Variants in ATR observed in about 807,000 individuals in gnomAD.
The protein encoded by ATR is serine/threonine-protein kinase ATR.
A neutral mutation model predicts 305.3 loss-of-function variants in ATR; 142 were observed. The observed-to-expected ratio is 0.47, with a 90% CI of 0.41 to 0.53. The LOEUF (loss-of-function observed/expected upper bound fraction) is 0.53. Ranked by LOEUF, ATR falls within the 20% of genes least tolerant of loss-of-function variation. ATR has a pLI of 0.00. For missense variants in ATR, 2,135 were observed against 3,133.1 expected, an observed-to-expected ratio of 0.68 and a Z score of 7.60; for synonymous variants, 1,050 against 1,068.1, an observed-to-expected ratio of 0.98 and a Z score of 0.33.
chr3:142,496,432 C>T lies in ATR; in HGVS notation c.5827G>A (p.Ala1943Thr). ...KAGHHQTAYN[A>T]LLNAGESRLA... is the part of the protein sequence containing the mutation. Reference sequence around the variant, plus strand: ...CGTGATTCCCCTGCATTAAGGAGAGCATTGTAGGCTGTCTGGTGGTGACCA... The same window carrying T: ...CGTGATTCCCCTGCATTAAGGAGAGTATTGTAGGCTGTCTGGTGGTGACCA... Residue 1943 changes from alanine (A) to threonine (T), a missense_variant, in exon 34 of 47, where the codon GCT becomes ACT. Physicochemically the swap from Ala to Thr is moderately conservative, Grantham distance 58. Around this residue, in one of 9 missense-constraint regions of ATR, gnomAD observed 462 missense variants for 887.6 expected, o/e 0.52. Transcript: ENST00000350721. 6.2e-7 allele frequency: 1 copy of T among 1,610,662 alleles called. No individual in the cohort carries two copies. The highest frequency in any genetic ancestry group is 8.5e-7 in the Non-Finnish European group (1 of 1,179,058).
Position 142,550,318 on chromosome 3 carries a change from T to C in ATR, c.2806-16A>G, listed in dbSNP as rs2034429858. On this transcript the variant is annotated splice_polypyrimidine_tract_variant and intron_variant, in intron 13 of 46. Transcript: ENST00000350721. The stretch of plus-strand genomic sequence containing the variant: ...CTACCAAAAACTAGAGCAAAAACCA[T>C]TTTATTGTGAGTTTTCACACAAAGA... The C allele has an allele frequency of 1.9e-6, 3 of 1,612,778 alleles. No homozygotes were observed. The highest frequency in any genetic ancestry group is 2.5e-6 in the Non-Finnish European group (3 of 1,178,884).
rs2108278451 is a variant in ATR, at chr3:142,469,329, C to A, written c.6552+8G>T. 6.3e-7 allele frequency: 1 copy of A among 1,597,348 alleles called. No homozygotes were observed. Among genetic ancestry groups the A allele is most frequent in the East Asian group, 2.2e-5 (1 of 44,728 alleles). On this transcript the variant is annotated splice_region_variant and intron_variant, in intron 38 of 46. Transcript: ENST00000350721. The stretch of plus-strand genomic sequence containing the variant: ...CTTTTCATATAAAAAGGTAAAAGAC[C>A]CTTTTACCTTTGACACAGCTGTCAT...
At chr3:142,458,044 T>C (rs1289181391) in intron 44 of ATR, among the ~76,000 whole-genome samples, 1 of 152,194 alleles carries the variant, frequency 6.6e-6, no homozygotes, top group Non-Finnish European at 1.5e-5. Flanking sequence ...ATTTTATGCA[T>C]TCAATATTTA....
At chr3:142,547,634 A>C in intron 16 of ATR, 91 bp downstream of exon 16, 1 of 1,437,698 alleles carries the variant, frequency 7.0e-7, no homozygotes, top group Non-Finnish European at 9.5e-7. Flanking sequence ...GCAGCCAGAA[A>C]ATGACCAAAA....
intron 18 of ATR, among the ~76,000 whole-genome samples, chr3:142,539,593 T>C (rs763879211): frequency 1.3e-4 from 20 of 152,166 alleles, no homozygotes; most frequent in African/African-American, 4.6e-4. Flanking sequence ...AAGGGAAATA[T>C]TCAAGTATTT....
In ATR at chr3:142,496,345, T is replaced by C; in HGVS notation, c.5898+16A>G. ...ATATATATATATATATATGATGACA[T>C]TTCCCTGGCCATTACCTTGGACCAG... On this transcript the variant is annotated intron_variant, in intron 34 of 46. Coordinates refer to ENST00000350721, the MANE Select transcript of ATR (RefSeq NM_001184.4). The C allele has an allele frequency of 7.5e-7, 1 of 1,329,304 alleles. No individual in the cohort carries two copies. Among genetic ancestry groups the C allele is most frequent in the Non-Finnish European group, 1.0e-6 (1 of 976,014 alleles). 82.3% of individuals were successfully genotyped at this position (1,329,304 alleles called of 1,614,324 possible).
At position 142,529,583 on chromosome 3, in the gene ATR, T is replaced by A. The variant is rs34436288; in HGVS notation, c.3946-5384A>T. ...TCATCTCTTGACTTAATGAAGCTCA[T>A]CCTCTAATACATCTCTTAGGAAGGG... On this transcript the variant is annotated intron_variant, in intron 21 of 46. Coordinates refer to ENST00000350721, the MANE Select transcript of ATR (RefSeq NM_001184.4). Among the ~76,000 whole-genome samples the A allele has an allele frequency of 3.3e-3, 498 of 152,286 alleles. 1 individual carries two copies. Among genetic ancestry groups the A allele is most frequent in the African/African-American group, 0.011 (452 of 41,552 alleles).
chr3:142,546,178 CTCTG>C (rs2034261772), intron 16 of ATR, among the ~76,000 whole-genome samples: 1 of 152,124 alleles, frequency 6.6e-6, no homozygotes, highest in African/African-American at 2.4e-5. Context: ...ATATTTCCTG[CTCTG>C]TCTGTGTTTT....
intron 8 of ATR, among the ~76,000 whole-genome samples, chr3:142,557,855 G>T (rs2034727668): frequency 6.6e-6 from 1 of 151,602 alleles, no homozygotes; most frequent in South Asian, 2.1e-4. Context: ...CTGGTCTCAA[G>T]CTCCTGACCT....
At chr3:142,499,180 C>G (rs1353802903) in intron 31 of ATR, 2 of 381,376 alleles carry the variant, frequency 5.2e-6, no homozygotes, top group Non-Finnish European at 1.0e-5. Context: ...CATGCCCAGC[C>G]TGGTTTCATT....
intron 46 of ATR, chr3:142,452,359 C>T: frequency 1.0e-6 from 1 of 987,034 alleles, no homozygotes; most frequent in Non-Finnish European, 1.2e-6. Context: ...AACGAATCCT[C>T]AATCTATTCT....
At position 142,503,462 on chromosome 3, in the gene ATR, T is replaced by G; in HGVS notation, c.5197-9A>C. 1 of 1,525,942 alleles carries G rather than the reference T, an allele frequency of 6.6e-7. No homozygotes were observed. The highest frequency in any genetic ancestry group is 9.0e-7 in the Non-Finnish European group (1 of 1,105,142). The allele number at this position is 1,525,942 out of a possible 1,614,324, so 94.5% of individuals were successfully genotyped here. A position where few individuals can be genotyped will look rare whatever the true frequency, so the allele number is the denominator to read the frequency against. ...CCATGATAATGAATGATCTAGAAAT[T>G]TAAAAATATTTAAAATAGCAATTAT... On this transcript the variant is annotated splice_polypyrimidine_tract_variant and intron_variant, in intron 29 of 46. Coordinates refer to ENST00000350721, the MANE Select transcript of ATR (RefSeq NM_001184.4).
At chr3:142,576,320 G>T (rs2035437251) in intron 1 of ATR, among the ~76,000 whole-genome samples, 1 of 152,204 alleles carries the variant, frequency 6.6e-6, no homozygotes, top group Non-Finnish European at 1.5e-5. Context: ...ACTTCCCAGT[G>T]TGGATGTTGA....
chr3:142,562,544 G>T lies in ATR; in HGVS notation c.858C>A (p.Asp286Glu), dbSNP rs770990791. ...ATGGCTCTTCATAGAGTTTCAATTG[G>T]TCAGTATCCATTTCTACAAGGTGTT... is the stretch of plus-strand genomic sequence containing the variant. ...LLKHLVEMDT[D>E]QLKLYEEPLS... The change falls in exon 4 of 47, where the codon GAC (aspartate) becomes GAA (glutamate). Residue 286 changes from aspartate to glutamate, a missense_variant. Coordinates refer to ENST00000350721, the MANE Select transcript of ATR (RefSeq NM_001184.4). 6.2e-7 allele frequency: 1 copy of T among 1,613,672 alleles called. No homozygotes were observed. Among genetic ancestry groups the T allele is most frequent in the Non-Finnish European group, 8.5e-7 (1 of 1,179,816 alleles).
chr3:142,460,869 T>C (rs1352577695), intron 42 of ATR, among the ~76,000 whole-genome samples: 2 of 152,194 alleles, frequency 1.3e-5, no homozygotes, highest in Non-Finnish European at 2.9e-5. Context: ...CCAGCTTTCC[T>C]TAATGTTCAT....
chr3:142,471,079 C>G (rs1377818083), intron 36 of ATR, among the ~76,000 whole-genome samples: 1 of 152,104 alleles, frequency 6.6e-6, no homozygotes, highest in Non-Finnish European at 1.5e-5. Context: ...ATTGGAACCT[C>G]GTACCTATTA....
Position 142,506,466 on chromosome 3 carries a change from G to A in ATR, c.5032-1163C>T, listed in dbSNP as rs528749305. On this transcript the variant is annotated intron_variant, in intron 28 of 46. Transcript: ENST00000350721. Reference sequence around the variant, plus strand: ...CCCAGCACTTTGAGAGGCCAAGGCAGGCAGATCACTTGAGGTCAGGAGGCC... The same window carrying A: ...CCCAGCACTTTGAGAGGCCAAGGCAAGCAGATCACTTGAGGTCAGGAGGCC... 1.3e-3 allele frequency among the ~76,000 whole-genome samples: 196 copies of A among 152,278 alleles called. 1 individual carries two copies. Among genetic ancestry groups the A allele is most frequent in the Middle Eastern group, 0.01 (3 of 294 alleles).
At position 142,498,808 on chromosome 3, in the gene ATR, G is replaced by A. The variant is rs369077092; in HGVS notation, c.5381-34C>T. On this transcript the variant is annotated intron_variant, in intron 31 of 46. Coordinates refer to ENST00000350721, the MANE Select transcript of ATR (RefSeq NM_001184.4). ...CAAATGAAGAGTCAAGAAATGTCAC[G>A]GTAGCTGGGTCCAAGAGTCAGCTTT... 8.4e-4 allele frequency: 1,346 copies of A among 1,602,410 alleles called. 17 individuals carry two copies. In the South Asian group the frequency reaches 0.01, roughly 12 times the overall value.
intron 7 of ATR, 139 bp downstream of exon 7, chr3:142,559,112 C>T (rs1358286755): frequency 1.1e-6 from 1 of 925,622 alleles, no homozygotes; most frequent in Non-Finnish European, 1.6e-6. Flanking sequence ...CTATTATTGA[C>T]AAATTTAATA....
Sources: gnomAD v4.1 joint callset for allele counts (sites outside exome capture counted in the v4.1 genomes callset) on GRCh38, gnomAD v4.1.1 for gene constraint, gnomAD v4.1.1 regional missense constraint, MANE v1.5 for transcripts, NCBI Gene and HGNC (gene_info 2026-07-23, HGNC 2026-07-21) for gene names.